ADNP: variants seen among roughly 807,000 people sequenced by gnomAD.
ADNP encodes the protein activity-dependent neuroprotector homeobox protein.
ADNP carries 4 observed loss-of-function variants against 84.9 expected under a neutral mutation model. That is an observed-to-expected ratio of 0.05 (90% CI 0.02 to 0.11). The LOEUF (loss-of-function observed/expected upper bound fraction) is 0.11. Ranked by LOEUF, ADNP falls within the 10% of genes least tolerant of loss-of-function variation. The probability of loss-of-function intolerance (pLI) is 1.00; values close to 1 mark genes in which losing one functional copy is unlikely to be tolerated. For missense variants in ADNP, 1,132 were observed against 1,326.0 expected, an observed-to-expected ratio of 0.85 and a Z score of 2.27; for synonymous variants, 554 against 468.1, an observed-to-expected ratio of 1.18 and a Z score of -2.37.
At chr20:50,927,458 T>TACCC (rs749706559) in intron 2 of ADNP, among the ~76,000 whole-genome samples, 8 of 152,186 alleles carry the variant, frequency 5.3e-5, no homozygotes, top group African/African-American at 9.7e-5. Context: ...TTAAACAGAA[T>TACCC]ACCCATTCCC....
At chr20:50,912,441 C>T (rs546979535) in intron 2 of ADNP, among the ~76,000 whole-genome samples, 39 of 152,246 alleles carry the variant, frequency 2.6e-4, no homozygotes, top group African/African-American at 8.9e-4. Context: ...TGAGCCACTG[C>T]GCCTAGCTTC....
chr20:50,906,134 C>T (rs1354712680), intron 2 of ADNP, among the ~76,000 whole-genome samples: 1 of 152,176 alleles, frequency 6.6e-6, no homozygotes, highest in East Asian at 1.9e-4. Flanking sequence ...ATCGCTTGAA[C>T]CCGGGAGGCA....
chr20:50,931,203 C>T lies in ADNP; in HGVS notation c.-642G>A, dbSNP rs1365415359. 7.1e-6 allele frequency: 1 copy of T among 139,916 alleles called. No homozygotes were observed. The highest frequency in any genetic ancestry group is 2.7e-5 in the African/African-American group (1 of 37,284). 8.7% of individuals were successfully genotyped at this position (139,916 alleles called of 1,614,324 possible). A position where few individuals can be genotyped will look rare whatever the true frequency, so the allele number is the denominator to read the frequency against. Reference sequence around the variant, plus strand: ...TGTCTGAGAAGACGCCAAAATCCCCCTTAGCGCTGCCTGCGGGAGGGGGAG... The same window carrying T: ...TGTCTGAGAAGACGCCAAAATCCCCTTTAGCGCTGCCTGCGGGAGGGGGAG... On this transcript the variant is annotated 5_prime_UTR_variant, in exon 1 of 6. Coordinates refer to ENST00000621696, the MANE Select transcript of ADNP (RefSeq NM_001282531.3).
intron 5 of ADNP, among the ~76,000 whole-genome samples, chr20:50,896,440 A>G (rs1051999922): frequency 2.3e-4 from 35 of 151,938 alleles, no homozygotes; most frequent in Admixed American, 1.9e-3. Context: ...AAATACAAAA[A>G]ATTAACCGGA....
intron 5 of ADNP, among the ~76,000 whole-genome samples, chr20:50,900,851 G>A (rs1981904331): frequency 6.6e-6 from 1 of 152,214 alleles, no homozygotes; most frequent in Non-Finnish European, 1.5e-5. Flanking sequence ...GATTTGAAAA[G>A]TTGGCTTTCT....
At position 50,891,122 on chromosome 20, in the gene ADNP, A is replaced by G; in HGVS notation, c.*283T>C. On this transcript the variant is annotated 3_prime_UTR_variant, in exon 6 of 6. Coordinates refer to ENST00000621696, the MANE Select transcript of ADNP (RefSeq NM_001282531.3). ...TTCACAGAGGGAAAGAAATGTTGAA[A>G]AGGCAGATAAAATAAACCTCTGCTT... 8.3e-7 allele frequency: 1 copy of G among 1,204,450 alleles called. No homozygotes were observed. The highest frequency in any genetic ancestry group is 1.0e-6 in the Non-Finnish European group (1 of 969,832). The allele number at this position is 1,204,450 out of a possible 1,614,324, so 74.6% of individuals were successfully genotyped here.
chr20:50,929,574 GC>G (rs766028847), intron 1 of ADNP, among the ~76,000 whole-genome samples: 2 of 152,146 alleles, frequency 1.3e-5, no homozygotes, highest in Admixed American at 6.5e-5. Context: ...CAGAGAATGC[GC>G]CCCCTACTGA....
chr20:50,930,449 G>C (rs1984626555), intron 1 of ADNP, among the ~76,000 whole-genome samples: 1 of 116,236 alleles, frequency 8.6e-6, no homozygotes, highest in Admixed American at 8.8e-5. Context: ...GCTCCTTTTG[G>C]GGGTGGGGGG....
At position 50,911,817 on chromosome 20, in the gene ADNP, C is replaced by T. The variant is rs181411409; in HGVS notation, c.-89-6968G>A. ...GATAAGCAAAAGACAACCCAGCTAC[C>T]TCTGAACAGGCACAGATAAGCCAGA... On this transcript the variant is annotated intron_variant, in intron 2 of 5. Coordinates refer to ENST00000621696, the MANE Select transcript of ADNP (RefSeq NM_001282531.3). Among the ~76,000 whole-genome samples, 488 of 152,176 alleles carry T rather than the reference C, an allele frequency of 3.2e-3. 2 individuals carry two copies. Among genetic ancestry groups the T allele is most frequent in the Non-Finnish European group, 3.0e-3 (201 of 68,012 alleles).
intron 2 of ADNP, chr20:50,905,634 T>C (rs1266676843): frequency 1.3e-5 from 2 of 152,164 alleles, no homozygotes; most frequent in African/African-American, 4.8e-5. Flanking sequence ...CAAAGTCTAA[T>C]TGGGGCCGAA....
intron 2 of ADNP, among the ~76,000 whole-genome samples, chr20:50,923,643 A>G (rs940699808): frequency 2.0e-4 from 30 of 152,166 alleles, no homozygotes; most frequent in Admixed American, 1.6e-3. Flanking sequence ...TCAGCCTCCC[A>G]AGTAGCTGAG....
In ADNP at chr20:50,924,522, T is replaced by TC. The variant is rs921917161; in HGVS notation, c.-90+4128dup. 2.1e-3 allele frequency among the ~76,000 whole-genome samples: 326 copies of TC among 152,362 alleles called. 2 individuals are homozygous for TC. The highest frequency in any genetic ancestry group is 7.8e-3 in the African/African-American group (323 of 41,592). On this transcript the variant is annotated intron_variant, in intron 2 of 5. Transcript: ENST00000621696. Reference sequence around the variant, plus strand: ...AACCAGCCCAGACATACTCTGTGGCTCATTTCATCATTGTATGTGGTAGTG... The same window carrying TC: ...AACCAGCCCAGACATACTCTGTGGCTCCATTTCATCATTGTATGTGGTAGTG...
At chr20:50,901,545 T>C in intron 5 of ADNP, among the ~76,000 whole-genome samples, 1 of 152,180 alleles carries the variant, frequency 6.6e-6, no homozygotes, top group Admixed American at 6.6e-5. Context: ...CTAATATTGT[T>C]TTTAATGCCA....
At position 50,931,007 on chromosome 20, in the gene ADNP, G is replaced by C. The variant is rs1189163882; in HGVS notation, c.-446C>G. On this transcript the variant is annotated 5_prime_UTR_variant, in exon 1 of 6. Transcript: ENST00000621696. ...CCGCGGCCGCGGGTGCTGCCGGGGG[G>C]CGCGGCGGGCGCAGCAGAGCGGCGG... 5 of 146,968 alleles carry C rather than the reference G, an allele frequency of 3.4e-5. No homozygotes were observed. The highest frequency in any genetic ancestry group is 9.8e-5 in the African/African-American group (4 of 40,622). The allele number at this position is 146,968 out of a possible 1,614,324, so 9.1% of individuals were successfully genotyped here.
At chr20:50,917,416 T>C (rs1983595741) in intron 2 of ADNP, among the ~76,000 whole-genome samples, 1 of 152,210 alleles carries the variant, frequency 6.6e-6, no homozygotes, top group African/African-American at 2.4e-5. Flanking sequence ...AGTCACTAGA[T>C]AGTCACATTT....
Position 50,893,634 on chromosome 20 carries a change from A to T in ADNP, c.1080T>A (p.Pro360=), listed in dbSNP as rs1182159169. 6.2e-7 allele frequency: 1 copy of T among 1,614,184 alleles called. No homozygotes were observed. Among genetic ancestry groups the T allele is most frequent in the Non-Finnish European group, 8.5e-7 (1 of 1,180,032 alleles). Residue 360 remains proline, a synonymous_variant, in exon 6 of 6, where the codon CCT becomes CCA. Transcript: ENST00000621696. This position sits in a 1 kb window ranked among gnomAD's most constrained non-coding sequence, Gnocchi z 4.4. ...GLGGNAPVSI[P]QQSQSVKQLL... ...ACTGCTTTACAGACTGAGATTGTTGAGGAATGGAAACTGGTGCGTTGCCAC... is the reference window on the plus strand; with the variant it reads ...ACTGCTTTACAGACTGAGATTGTTGTGGAATGGAAACTGGTGCGTTGCCAC...
chr20:50,921,706 C>T (rs2426211), intron 2 of ADNP, among the ~76,000 whole-genome samples: 77,472 of 152,058 alleles, frequency 0.51, 23,670 homozygotes, highest in African/African-American at 0.87. Flanking sequence ...TGTATACAAA[C>T]AGAGGGAAGA....
In ADNP at chr20:50,902,027, G is replaced by T; in HGVS notation, c.191C>A (p.Thr64Lys). Residue 64 changes from threonine to lysine, a missense_variant, in exon 5 of 6, where the codon ACG becomes AAG. Around this residue, in one of 10 missense-constraint regions of ADNP, gnomAD observed 56 missense variants for 94.6 expected, o/e 0.59. Coordinates refer to ENST00000621696, the MANE Select transcript of ADNP (RefSeq NM_001282531.3). Reference protein sequence around the residue: ...EDVGLWDPSLTKNQDYRTKPF... With the variant: ...EDVGLWDPSLKKNQDYRTKPF... ...TCCTGTGCCACTTACCTGGTTTTTC[G>T]TAAGTGATGGGTCCCACAGTCCTAC... is the stretch of plus-strand genomic sequence containing the variant. The T allele has an allele frequency of 1.2e-6, 2 of 1,612,972 alleles. No homozygotes were observed. The highest frequency in any genetic ancestry group is 2.2e-5 in the East Asian group (1 of 44,872).
chr20:50,914,645 T>G (rs1568736160), intron 2 of ADNP, among the ~76,000 whole-genome samples: 3 of 152,228 alleles, frequency 2.0e-5, no homozygotes, highest in Non-Finnish European at 4.4e-5. Context: ...CGGCTAATTC[T>G]GAGTAAGTGA....
Sources: gnomAD v4.1 joint callset for allele counts (sites outside exome capture counted in the v4.1 genomes callset) on GRCh38, gnomAD v4.1.1 for gene constraint, gnomAD v4.1.1 regional missense constraint, Gnocchi (gnomAD v3.1) non-coding constraint, MANE v1.5 for transcripts, NCBI Gene and HGNC (gene_info 2026-07-23, HGNC 2026-07-21) for gene names.